The following MAN1C1 variants were observed in gnomAD, a reference collection of about 807,000 sequenced individuals.
MAN1C1 encodes mannosidase alpha class 1C member 1.
In MAN1C1, 49 loss-of-function variants were observed where a neutral mutation model predicts 71.5. The observed-to-expected ratio is 0.69, with a 90% CI of 0.54 to 0.87. The LOEUF (loss-of-function observed/expected upper bound fraction) is 0.87. Ranked by LOEUF, MAN1C1 falls within the 40% of genes least tolerant of loss-of-function variation. MAN1C1 has a pLI of 0.00. For missense variants in MAN1C1, 743 were observed against 835.0 expected, an observed-to-expected ratio of 0.89 and a Z score of 1.36; for synonymous variants, 352 against 343.7, an observed-to-expected ratio of 1.02 and a Z score of -0.27.
In MAN1C1 at chr1:25,642,907, T is replaced by G. The variant is rs2045556403; in HGVS notation, c.540+24570T>G. 9.2e-5 allele frequency among the ~76,000 whole-genome samples: 14 copies of G among 152,142 alleles called. No individual in the cohort carries two copies. In the South Asian group the frequency reaches 2.7e-3, roughly 29 times the overall value. ...AGGCCTGTGTGGGGAGATGATTGTT[T>G]GTATATTGGTTTTCATTTATGTATT... On this transcript the variant is annotated intron_variant, in intron 1 of 11. Coordinates refer to ENST00000374332, the MANE Select transcript of MAN1C1 (RefSeq NM_020379.4).
At chr1:25,739,941 C>A (rs2047036912) in intron 2 of MAN1C1, among the ~76,000 whole-genome samples, 1 of 152,152 alleles carries the variant, frequency 6.6e-6, no homozygotes, top group Admixed American at 6.5e-5. Flanking sequence ...CGCCACAGCC[C>A]CCCTTGAAGC....
chr1:25,660,366 A>G (rs2045828163), intron 1 of MAN1C1, among the ~76,000 whole-genome samples: 1 of 139,770 alleles, frequency 7.2e-6, no homozygotes, highest in Non-Finnish European at 1.5e-5. Context: ...GCGCCATTGC[A>G]CTCTAGCTTG....
chr1:25,734,126 T>TATTTTA (rs1176442457), intron 2 of MAN1C1, among the ~76,000 whole-genome samples: 1 of 151,592 alleles, frequency 6.6e-6, no homozygotes, highest in Non-Finnish European at 1.5e-5. Context: ...ATTTTTAATT[T>TATTTTA]ATTTTAATTT....
intron 1 of MAN1C1, among the ~76,000 whole-genome samples, chr1:25,643,991 C>T (rs2045574951): frequency 1.3e-5 from 2 of 152,154 alleles, no homozygotes; most frequent in Non-Finnish European, 2.9e-5. Flanking sequence ...TTAAGTGCTG[C>T]TTAACTGTTT....
intron 1 of MAN1C1, among the ~76,000 whole-genome samples, chr1:25,661,554 C>T (rs1365345647): frequency 6.6e-6 from 1 of 152,198 alleles, no homozygotes; most frequent in Non-Finnish European, 1.5e-5. Context: ...CTTTCAACCT[C>T]ACACCAAAGG....
chr1:25,741,767 A>G (rs1435300363), intron 2 of MAN1C1, among the ~76,000 whole-genome samples: 3 of 152,220 alleles, frequency 2.0e-5, no homozygotes, highest in Non-Finnish European at 2.9e-5. Context: ...GCAATGAGCC[A>G]TTAGAGGTGG....
At chr1:25,723,030 C>A (rs1036911056) in intron 2 of MAN1C1, among the ~76,000 whole-genome samples, 1 of 152,214 alleles carries the variant, frequency 6.6e-6, no homozygotes, top group African/African-American at 2.4e-5. Context: ...TGTTTCATGA[C>A]ATATATACCT....
At chr1:25,751,730 T>C (rs1375131308) in intron 4 of MAN1C1, among the ~76,000 whole-genome samples, 1 of 152,206 alleles carries the variant, frequency 6.6e-6, no homozygotes, top group Non-Finnish European at 1.5e-5. Flanking sequence ...GTGCATGTTA[T>C]CACCGATTTG....
At chr1:25,648,017 A>G (rs559687727) in intron 1 of MAN1C1, among the ~76,000 whole-genome samples, 12 of 152,330 alleles carry the variant, frequency 7.9e-5, no homozygotes, top group Middle Eastern at 3.4e-3. Context: ...AGCAGCCCCA[A>G]TCAGCACAAG....
intron 1 of MAN1C1, among the ~76,000 whole-genome samples, chr1:25,665,901 A>AT (rs1357235292): frequency 8.3e-6 from 1 of 120,516 alleles, no homozygotes; most frequent in Non-Finnish European, 1.6e-5. Flanking sequence ...TGCTCCAGCC[A>AT]TGGGGAGAGG....
intron 2 of MAN1C1, among the ~76,000 whole-genome samples, chr1:25,692,317 C>T (rs1384369207): frequency 1.3e-5 from 2 of 152,184 alleles, no homozygotes; most frequent in Non-Finnish European, 2.9e-5. Context: ...TGTATGATTT[C>T]GGGCCCAAGA....
chr1:25,684,542 G>T (rs1461273522), intron 1 of MAN1C1, among the ~76,000 whole-genome samples: 1 of 152,216 alleles, frequency 6.6e-6, no homozygotes, highest in Non-Finnish European at 1.5e-5. Flanking sequence ...CATCATCTGT[G>T]AAATGGGGCA....
chr1:25,717,934 A>G (rs2046704661), intron 2 of MAN1C1, among the ~76,000 whole-genome samples: 1 of 152,076 alleles, frequency 6.6e-6, no homozygotes, highest in Non-Finnish European at 1.5e-5. Context: ...ACTTGGTAAA[A>G]TCAGTCTTTT....
chr1:25,758,434 A>G (rs1425832768), intron 5 of MAN1C1, among the ~76,000 whole-genome samples, 158 bp from the exon 6 acceptor site: 6 of 152,166 alleles, frequency 3.9e-5, no homozygotes, highest in East Asian at 3.9e-4. Context: ...TCATCAGGAC[A>G]TGGGGCCAGG....
At chr1:25,771,807 G>C (rs2047555892) in intron 8 of MAN1C1, 35 bp downstream of exon 8, 1 of 1,543,366 alleles carries the variant, frequency 6.5e-7, no homozygotes. Context: ...CAGGCCGCTG[G>C]TCACCAGCCC....
chr1:25,710,727 G>A (rs1434775710), intron 2 of MAN1C1, among the ~76,000 whole-genome samples: 2 of 152,210 alleles, frequency 1.3e-5, no homozygotes, highest in Admixed American at 6.5e-5. Flanking sequence ...TGTCGTGGCT[G>A]CTCAGTGACC....
rs779096255 is a variant in MAN1C1, at chr1:25,686,477, C to T, written c.578C>T (p.Ala193Val). Residue 193 changes from alanine to valine, a missense_variant, in exon 2 of 12, where the codon GCA (alanine) becomes GTA (valine). Physicochemically the swap from Ala to Val is moderately conservative, Grantham distance 64 (BLOSUM62 0). Transcript: ENST00000374332. ...GCTTGGCAGAGCTATAAGCGTTATGCAATGGGGAAAAACGAACTCCGTCCA... is the reference window on the plus strand; with the variant it reads ...GCTTGGCAGAGCTATAAGCGTTATGTAATGGGGAAAAACGAACTCCGTCCA... The part of the protein sequence containing the change: ...QFAWQSYKRY[A>V]MGKNELRPLT... 2.7e-5 allele frequency: 43 copies of T among 1,614,040 alleles called. No individual in the cohort carries two copies. Among genetic ancestry groups the T allele is most frequent in the Middle Eastern group, 1.6e-4 (1 of 6,084 alleles).
In MAN1C1 at chr1:25,618,140, A is replaced by C. The variant is rs1357568661; in HGVS notation, c.343A>C (p.Thr115Pro). Residue 115 changes from threonine to proline, a missense_variant, in exon 1 of 12, where the codon ACT (threonine) becomes CCT (proline). Thr to Pro is a conservative substitution (Grantham distance 38). Transcript: ENST00000374332. Reference protein sequence around the residue: ...RKGGLRRTRPTGPREEATAAR... With the variant: ...RKGGLRRTRPPGPREEATAAR... ...AGGGGGGCTGCGGCGCACCCGCCCC[A>C]CTGGACCCCGCGAGGAGGCCACGGC... is the stretch of plus-strand genomic sequence containing the variant. 6.5e-7 allele frequency: 1 copy of C among 1,533,688 alleles called. No homozygotes were observed. The highest frequency in any genetic ancestry group is 8.7e-7 in the Non-Finnish European group (1 of 1,146,888).
Position 25,751,781 on chromosome 1 carries a change from G to C in MAN1C1, c.835-1703G>C, listed in dbSNP as rs370343757. Among the ~76,000 whole-genome samples the C allele has an allele frequency of 1.2e-3, 180 of 152,314 alleles. 1 individual carries two copies. Among genetic ancestry groups the C allele is most frequent in the African/African-American group, 3.5e-3 (144 of 41,560 alleles). On this transcript the variant is annotated intron_variant, in intron 4 of 11. Coordinates refer to ENST00000374332, the MANE Select transcript of MAN1C1 (RefSeq NM_020379.4). ...AGACTTAGAAGCAGTAACTGGCTCC[G>C]GGTCGCACAGTGTCTGAGGGTTGTG... is the stretch of plus-strand genomic sequence containing the variant.
Sources: allele counts gnomAD v4.1 joint callset (sites outside exome capture counted in the v4.1 genomes callset), GRCh38; gene constraint gnomAD v4.1.1; transcripts MANE v1.5; gene names NCBI Gene and HGNC (gene_info 2026-07-23, HGNC 2026-07-21).